The following NCKAP5 variants were observed in gnomAD, a reference collection of about 807,000 sequenced individuals.
The protein encoded by NCKAP5 is NCK associated protein 5, also known as nck-associated protein 5.
NCKAP5 carries 92 observed loss-of-function variants against 167.0 expected under a neutral mutation model. That is an observed-to-expected ratio of 0.55 (90% CI 0.47 to 0.66). The LOEUF (loss-of-function observed/expected upper bound fraction) is 0.66, where lower values mean the gene tolerates loss of function less well. Ranked by LOEUF, NCKAP5 falls within the 30% of genes least tolerant of loss-of-function variation. The probability of loss-of-function intolerance (pLI) is 0.00; values close to 1 mark genes in which losing one functional copy is unlikely to be tolerated. For missense variants in NCKAP5, 2,378 were observed against 2,315.0 expected (o/e 1.03, Z -0.56); for synonymous variants, 891 against 877.4 (o/e 1.02, Z -0.27).
rs184589785 is a variant in NCKAP5, at chr2:133,416,812, C to A, written c.69+100646G>T. On this transcript the variant is annotated intron_variant, in intron 3 of 19. Coordinates refer to ENST00000409261, the MANE Select transcript of NCKAP5 (RefSeq NM_207363.3). Reference sequence around the variant, plus strand: ...ATGAGAGGCAGCTCATGCCCCTGGACCAAATGAGTTTATCCTGGAGAAAAC... The same window carrying A: ...ATGAGAGGCAGCTCATGCCCCTGGAACAAATGAGTTTATCCTGGAGAAAAC... Among the ~76,000 whole-genome samples the A allele has an allele frequency of 4.6e-5, 7 of 152,272 alleles. No individual in the cohort carries two copies. In the East Asian group the frequency reaches 1.4e-3, roughly 29 times the overall value.
chr2:133,030,832 T>G (rs79885097), intron 6 of NCKAP5, among the ~76,000 whole-genome samples: 2,684 of 152,132 alleles, frequency 0.018, 91 homozygotes, highest in African/African-American at 0.062. Flanking sequence ...TAGGGCCATA[T>G]TCCCTCCAAT....
chr2:133,437,089 C>T (rs1165702657), intron 3 of NCKAP5, among the ~76,000 whole-genome samples: 1 of 152,132 alleles, frequency 6.6e-6, no homozygotes, highest in Non-Finnish European at 1.5e-5. Flanking sequence ...CACGGTGACT[C>T]ACTCCCGTAA....
the NCKAP5 span, among the ~76,000 whole-genome samples, chr2:133,658,705 G>C: frequency 6.6e-6 from 1 of 152,220 alleles, no homozygotes; most frequent in South Asian, 2.1e-4. Flanking sequence ...GTGATGTCCT[G>C]GTCTTACTGC....
chr2:133,673,822 T>C, the NCKAP5 span, among the ~76,000 whole-genome samples: 17 of 152,294 alleles, frequency 1.1e-4, no homozygotes, highest in East Asian at 3.3e-3. Context: ...TCCTTCACCG[T>C]GAAATGTGCA....
At chr2:133,354,751 G>A (rs113163824) in intron 3 of NCKAP5, among the ~76,000 whole-genome samples, 40 of 152,144 alleles carry the variant, frequency 2.6e-4, no homozygotes, top group African/African-American at 9.2e-4. Flanking sequence ...AATACATTAA[G>A]ACATTAAAGT....
intron 7 of NCKAP5, among the ~76,000 whole-genome samples, chr2:132,977,713 G>T (rs879396971): frequency 6.6e-6 from 1 of 152,140 alleles, no homozygotes; most frequent in Non-Finnish European, 1.5e-5. Context: ...CCACCTATTT[G>T]CACCTAAATG....
intron 8 of NCKAP5, among the ~76,000 whole-genome samples, chr2:132,918,594 C>T (rs1397806642): frequency 6.6e-6 from 1 of 152,110 alleles, no homozygotes; most frequent in Non-Finnish European, 1.5e-5. Context: ...GACATTACAA[C>T]ATCCATAATG....
At chr2:132,975,803 A>T (rs1229866317) in intron 7 of NCKAP5, among the ~76,000 whole-genome samples, 4 of 152,040 alleles carry the variant, frequency 2.6e-5, no homozygotes, top group Non-Finnish European at 4.4e-5. Flanking sequence ...AAAAAACCTC[A>T]TAACTTAAGG....
chr2:132,969,243 AG>A (rs2076758234), intron 7 of NCKAP5, among the ~76,000 whole-genome samples: 1 of 151,934 alleles, frequency 6.6e-6, no homozygotes, highest in Non-Finnish European at 1.5e-5. Context: ...TCATTATGTT[AG>A]CCAGGCTGGT....
At chr2:133,333,507 GT>G in intron 3 of NCKAP5, among the ~76,000 whole-genome samples, 1 of 152,146 alleles carries the variant, frequency 6.6e-6, no homozygotes, top group East Asian at 1.9e-4. Flanking sequence ...TGGAAGTGAA[GT>G]CACACAGAAA....
the NCKAP5 span, among the ~76,000 whole-genome samples, chr2:133,574,195 G>A: frequency 4.6e-5 from 7 of 152,302 alleles, no homozygotes; most frequent in South Asian, 8.3e-4. Context: ...TGTAATCAGC[G>A]CCTGCCCTGA....
upstream of NCKAP5, among the ~76,000 whole-genome samples, chr2:133,568,765 A>C (rs529502187): frequency 6.6e-6 from 1 of 152,238 alleles, no homozygotes; most frequent in Non-Finnish European, 1.5e-5. Flanking sequence ...GTGCCAGCAC[A>C]GCCCTACCAA....
chr2:133,475,488 CTTTT>C (rs900453220), intron 3 of NCKAP5, among the ~76,000 whole-genome samples: 2 of 152,144 alleles, frequency 1.3e-5, no homozygotes, highest in African/African-American at 4.8e-5. Flanking sequence ...AGATTAACTT[CTTTT>C]TTTCTTATTT....
the NCKAP5 span, among the ~76,000 whole-genome samples, chr2:133,666,358 C>T: frequency 1.8e-4 from 28 of 151,756 alleles, no homozygotes; most frequent in African/African-American, 4.8e-4. Flanking sequence ...CCACCATGCC[C>T]GGCTAATTTT....
chr2:133,661,114 G>C, the NCKAP5 span, among the ~76,000 whole-genome samples: 1 of 152,006 alleles, frequency 6.6e-6, no homozygotes, highest in Non-Finnish European at 1.5e-5. Flanking sequence ...ATATCCTCTT[G>C]GGCACAATCT....
intron 3 of NCKAP5, among the ~76,000 whole-genome samples, chr2:133,354,393 C>A (rs72989613): frequency 0.015 from 2,263 of 151,820 alleles, 51 homozygotes; most frequent in African/African-American, 0.052. Context: ...GTAGATGGGG[C>A]AACAGGCATG....
At chr2:133,172,282 C>T (rs1352437928) in intron 5 of NCKAP5, among the ~76,000 whole-genome samples, 4 of 152,114 alleles carry the variant, frequency 2.6e-5, no homozygotes, top group East Asian at 1.9e-4. Flanking sequence ...GAAATAAACA[C>T]GGAGAACAAA....
chr2:133,569,446 T>C (rs1166226470), upstream of NCKAP5, among the ~76,000 whole-genome samples: 2 of 152,204 alleles, frequency 1.3e-5, no homozygotes, highest in African/African-American at 2.4e-5. Flanking sequence ...CTAGTATTTT[T>C]AGTTTGTTTT....
At chr2:133,260,972 T>C (rs532457661) in intron 4 of NCKAP5, among the ~76,000 whole-genome samples, 1 of 152,166 alleles carries the variant, frequency 6.6e-6, no homozygotes, top group African/African-American at 2.4e-5. Context: ...TACATCTCAT[T>C]AATAGAAAAA....
Sources: allele counts gnomAD v4.1 joint callset (sites outside exome capture counted in the v4.1 genomes callset), GRCh38; gene constraint gnomAD v4.1.1; transcripts MANE v1.5; gene names NCBI Gene and HGNC (gene_info 2026-07-23, HGNC 2026-07-21).